USP10: variants seen among roughly 807,000 people sequenced by gnomAD.
USP10 encodes ubiquitin carboxyl-terminal hydrolase 10.
In USP10, 22 loss-of-function variants were observed where a neutral mutation model predicts 84.5. The observed-to-expected ratio is 0.26, with a 90% CI of 0.19 to 0.37. The LOEUF is 0.37. USP10 is among the 10% of genes least tolerant of loss of function. The pLI is 1.00. For missense variants in USP10, 1,019 were observed against 998.9 expected (o/e 1.02, Z -0.27); for synonymous variants, 454 against 387.6 (o/e 1.17, Z -2.01).
In USP10 at chr16:84,747,086, T is replaced by C. The variant is rs563531798; in HGVS notation, c.1192+1413T>C. Among the ~76,000 whole-genome samples, 6 of 152,326 alleles carry C rather than the reference T, an allele frequency of 3.9e-5. No individual in the cohort carries two copies. The South Asian group carries it at 1.2e-3, about 32-fold the overall frequency. On this transcript the variant is annotated intron_variant, in intron 4 of 13. Coordinates refer to ENST00000219473, the MANE Select transcript of USP10 (RefSeq NM_005153.3). ...CCACTAGAATCTTGTGGGACCATCA[T>C]ACGTGCGGCTCATTGTTGACCGAAA...
At chr16:84,702,408 T>G (rs1053623755) in intron 1 of USP10, among the ~76,000 whole-genome samples, 1 of 152,134 alleles carries the variant, frequency 6.6e-6, no homozygotes, top group African/African-American at 2.4e-5. Flanking sequence ...AAACAAGTAA[T>G]GGAATCATGT....
intron 2 of USP10, among the ~76,000 whole-genome samples, chr16:84,736,850 G>A (rs971110979): frequency 7.2e-5 from 11 of 152,290 alleles, no homozygotes; most frequent in South Asian, 2.1e-4. Flanking sequence ...CTGCAGGGGC[G>A]TGATCTCGGC....
At chr16:84,717,255 G>T (rs1393543777) in intron 1 of USP10, among the ~76,000 whole-genome samples, 1 of 152,018 alleles carries the variant, frequency 6.6e-6, no homozygotes, top group Admixed American at 6.5e-5. Flanking sequence ...TTCTTTAGGG[G>T]GTGGGCCTAA....
At chr16:84,725,873 C>T (rs566161502) in intron 1 of USP10, among the ~76,000 whole-genome samples, 7 of 152,170 alleles carry the variant, frequency 4.6e-5, no homozygotes, top group African/African-American at 1.4e-4. Context: ...TCATGTTTCC[C>T]CAAATTGAGC....
intron 3 of USP10, among the ~76,000 whole-genome samples, chr16:84,741,971 C>A (rs1910677390): frequency 6.6e-6 from 1 of 152,210 alleles, no homozygotes; most frequent in South Asian, 2.1e-4. Flanking sequence ...ATGCTTTATT[C>A]TGCTCCCTCC....
At chr16:84,706,963 A>G (rs1438899254) in intron 1 of USP10, among the ~76,000 whole-genome samples, 1 of 152,188 alleles carries the variant, frequency 6.6e-6, no homozygotes, top group Non-Finnish European at 1.5e-5. Flanking sequence ...TTTGAAGCCT[A>G]TAAACTCTAT....
chr16:84,757,226 T>C (rs946889313), intron 4 of USP10, among the ~76,000 whole-genome samples: 3 of 152,210 alleles, frequency 2.0e-5, no homozygotes, highest in African/African-American at 7.2e-5. Context: ...CAGTTCGGTA[T>C]TCCATATTAA....
In USP10 at chr16:84,745,172, G is replaced by A. The variant is rs772222629; in HGVS notation, c.691G>A (p.Ala231Thr). ...TGTGCCTGACAGTCCTTTCCCCGGA[G>A]CACTCGGCAGTGACACCAGGACTGC... ...DIVPDSPFPG[A>T]LGSDTRTAGQ... The change falls in exon 4 of 14, where the codon GCA becomes ACA. Residue 231 changes from alanine (A) to threonine (T), a missense_variant. By Grantham distance (58) the Ala-to-Thr change is moderately conservative (BLOSUM62 0). Around this residue, in one of 2 missense-constraint regions of USP10, gnomAD observed 787 missense variants for 708.8 expected, o/e 1.11. Transcript: ENST00000219473. 3 of 1,613,332 alleles carry A rather than the reference G, an allele frequency of 1.9e-6. No individual in the cohort carries two copies. Among genetic ancestry groups the A allele is most frequent in the East Asian group, 4.5e-5 (2 of 44,862 alleles).
At chr16:84,772,781 G>A in intron 12 of USP10, 96 bp downstream of exon 12, 1 of 1,470,016 alleles carries the variant, frequency 6.8e-7, no homozygotes, top group Non-Finnish European at 9.2e-7. Flanking sequence ...TCAAGAGTGA[G>A]GACATTCTCT....
chr16:84,720,893 A>AT (rs1192679893), intron 1 of USP10, among the ~76,000 whole-genome samples: 4,829 of 98,884 alleles, frequency 0.049, 247 homozygotes, highest in African/African-American at 0.15. Context: ...ATGATGCACA[A>AT]TTTTTTTTTT....
chr16:84,752,473 A>G (rs1397397529), intron 4 of USP10, among the ~76,000 whole-genome samples: 1 of 152,186 alleles, frequency 6.6e-6, no homozygotes, highest in Non-Finnish European at 1.5e-5. Context: ...CGCCTTCCTC[A>G]TTTTTATTCT....
intron 1 of USP10, chr16:84,704,615 C>A: frequency 8.2e-7 from 1 of 1,223,868 alleles, no homozygotes; most frequent in Non-Finnish European, 1.1e-6. Flanking sequence ...TAAAGGTAGC[C>A]CTTGGGGTAT....
intron 1 of USP10, among the ~76,000 whole-genome samples, chr16:84,715,953 G>T (rs1906960090): frequency 6.6e-6 from 1 of 152,210 alleles, no homozygotes. Flanking sequence ...GACCAAGAGA[G>T]TGAGTGTGCA....
At chr16:84,735,488 C>T (rs938566490) in intron 2 of USP10, among the ~76,000 whole-genome samples, 2 of 152,102 alleles carry the variant, frequency 1.3e-5, no homozygotes, top group Admixed American at 6.5e-5. Flanking sequence ...GGTTTGGGCA[C>T]GTTCTTTCCT....
At chr16:84,720,383 T>C (rs1230301545) in intron 1 of USP10, among the ~76,000 whole-genome samples, 1 of 152,130 alleles carries the variant, frequency 6.6e-6, no homozygotes. Context: ...TGAAATACTA[T>C]AGTTTTGCTT....
intron 1 of USP10, 78 bp downstream of exon 1, chr16:84,700,189 C>CGGCGGGCGGGCGGACGCCGCGGCG: frequency 1.8e-6 from 2 of 1,108,974 alleles, no homozygotes; most frequent in Non-Finnish European, 2.2e-6. Flanking sequence ...CGGGCGTCCG[C>CGGCGGGCGGGCGGACGCCGCGGCG]GCCCTGCCCG....
intron 11 of USP10, among the ~76,000 whole-genome samples, chr16:84,770,065 C>T (rs1365726232): frequency 6.6e-6 from 1 of 152,040 alleles, no homozygotes; most frequent in Non-Finnish European, 1.5e-5. Flanking sequence ...GCTATGATCA[C>T]GCCACTGCAC....
At chr16:84,756,899 G>GT (rs1326187970) in intron 4 of USP10, among the ~76,000 whole-genome samples, 1 of 152,192 alleles carries the variant, frequency 6.6e-6, no homozygotes, top group Non-Finnish European at 1.5e-5. Context: ...GTGGGGAAAA[G>GT]TAAGTATCTG....
chr16:84,700,224 G>C, intron 1 of USP10, 113 bp downstream of exon 1: 1 of 882,596 alleles, frequency 1.1e-6, no homozygotes, highest in African/African-American at 1.8e-5. Context: ...GAGTGGGGGA[G>C]GGCGCTGGGA....
Sources: gnomAD v4.1 joint callset for allele counts (sites outside exome capture counted in the v4.1 genomes callset) on GRCh38, gnomAD v4.1.1 for gene constraint, gnomAD v4.1.1 regional missense constraint, MANE v1.5 for transcripts, NCBI Gene and HGNC (gene_info 2026-07-23, HGNC 2026-07-21) for gene names.